Variants in LARP1 observed in about 807,000 individuals in gnomAD.
LARP1 encodes La ribonucleoprotein 1, translational regulator.
LARP1 carries 36 observed loss-of-function variants against 122.7 expected under a neutral mutation model. The ratio of observed to expected loss-of-function variants is 0.29; its 90% CI spans 0.22 to 0.39. The LOEUF is 0.39. Ranked by LOEUF, LARP1 falls within the 10% of genes least tolerant of loss-of-function variation. The pLI, the probability that LARP1 is intolerant of heterozygous loss-of-function variation, is 1.00. For synonymous variants in LARP1, 539 were observed against 528.7 expected, an observed-to-expected ratio of 1.02 and a Z score of -0.27; for missense variants, 1,040 against 1,403.6, an observed-to-expected ratio of 0.74 and a Z score of 4.14.
At position 154,685,627 on chromosome 5, in the gene LARP1, A is replaced by G. The variant is rs191520524; in HGVS notation, c.-180+2590A>G. ...AAGTTTATTTAAAGCAGCTTTGGAT[A>G]GGGGTGAACTAAACGCTGCCTCTGC... On this transcript the variant is annotated intron_variant, in intron 1 of 18. Transcript: ENST00000687700. 330 of 283,818 alleles carry G rather than the reference A, an allele frequency of 1.2e-3. 2 individuals carry two copies. Among genetic ancestry groups the G allele is most frequent in the African/African-American group, 7.2e-3 (294 of 40,612 alleles). The allele number at this position is 283,818 out of a possible 1,614,324, so 17.6% of individuals were successfully genotyped here.
At chr5:154,811,202 A>C in intron 16 of LARP1, 45 bp from the exon 17 acceptor site, 1 of 1,419,414 alleles carries the variant, frequency 7.0e-7, no homozygotes. Context: ...TTCCCGTTTT[A>C]CAGATGAAGA....
intron 1 of LARP1, among the ~76,000 whole-genome samples, chr5:154,716,718 G>A (rs2113322442): frequency 6.6e-6 from 1 of 152,206 alleles, no homozygotes; most frequent in East Asian, 1.9e-4. Flanking sequence ...CAAAGTGTTG[G>A]GATTACAGGT....
At chr5:154,684,113 G>GC (rs1753814586) in intron 1 of LARP1, among the ~76,000 whole-genome samples, 1 of 152,116 alleles carries the variant, frequency 6.6e-6, no homozygotes, top group African/African-American at 2.4e-5. Context: ...CTAGTCTAGT[G>GC]CTTCTCAGCT....
intron 1 of LARP1, among the ~76,000 whole-genome samples, chr5:154,761,175 A>G (rs1754415010): frequency 6.6e-6 from 1 of 152,214 alleles, no homozygotes; most frequent in Non-Finnish European, 1.5e-5. Context: ...GGCAGCTTTC[A>G]TCGGGAGCCT....
At chr5:154,725,066 G>A (rs921608788) in intron 1 of LARP1, among the ~76,000 whole-genome samples, 2 of 151,848 alleles carry the variant, frequency 1.3e-5, no homozygotes, top group Non-Finnish European at 2.9e-5. Flanking sequence ...GCAATATAGT[G>A]AGACCTTGTC....
At chr5:154,782,571 C>T (rs773080366) in intron 1 of LARP1, among the ~76,000 whole-genome samples, 36 of 152,292 alleles carry the variant, frequency 2.4e-4, no homozygotes, top group Non-Finnish European at 3.8e-4. Context: ...CTGGCCCACC[C>T]TTGCTCCTCC....
chr5:154,686,609 G>A (rs1249311522), intron 1 of LARP1, among the ~76,000 whole-genome samples: 7 of 152,076 alleles, frequency 4.6e-5, no homozygotes, highest in Non-Finnish European at 4.4e-5. Context: ...AGAAGTGGCC[G>A]TTCGTTTTGA....
intron 1 of LARP1, among the ~76,000 whole-genome samples, chr5:154,688,465 C>T (rs1754039643): frequency 6.6e-6 from 1 of 151,764 alleles, no homozygotes; most frequent in Admixed American, 6.6e-5. Flanking sequence ...GTCTGGCCAA[C>T]ATGGTGAAAC....
chr5:154,793,832 C>A lies in LARP1; in HGVS notation c.901C>A (p.Pro301Thr), dbSNP rs770718972. ...GTCTGCCACCTACGTGCCCGTGGCC[C>A]CCCCCACCCCAGCCTGGCAACCAGA... ...SESATYVPVA[P>T]PTPAWQPEIK... The change falls in exon 6 of 19, where the codon CCC becomes ACC. Residue 301 changes from proline (P) to threonine (T), a missense_variant. This residue lies in a region of LARP1 where 178 missense variants were observed against 178.3 expected (regional missense o/e 1.00). Transcript: ENST00000518297. 8.9e-5 allele frequency: 144 copies of A among 1,614,060 alleles called. No individual in the cohort carries two copies. Among genetic ancestry groups the A allele is most frequent in the Middle Eastern group, 4.9e-4 (3 of 6,084 alleles).
intron 1 of LARP1, among the ~76,000 whole-genome samples, chr5:154,715,174 T>G (rs1755421751): frequency 6.6e-6 from 1 of 150,676 alleles, no homozygotes; most frequent in African/African-American, 2.4e-5. Context: ...AGCGAGACTC[T>G]GTCTCAAAAA....
intron 1 of LARP1, among the ~76,000 whole-genome samples, chr5:154,775,414 A>G (rs1755788909): frequency 6.6e-6 from 1 of 151,044 alleles, no homozygotes; most frequent in Admixed American, 6.6e-5. Flanking sequence ...GATCACCTGA[A>G]CCCGGGGAGG....
intron 1 of LARP1, among the ~76,000 whole-genome samples, chr5:154,685,305 A>T (rs1429757271): frequency 1.3e-5 from 2 of 150,936 alleles, no homozygotes; most frequent in Non-Finnish European, 2.9e-5. Flanking sequence ...CAGGGTGGTC[A>T]CTGCCCAGCC....
intron 15 of LARP1, among the ~76,000 whole-genome samples, chr5:154,808,087 C>T (rs1758937660): frequency 6.6e-6 from 1 of 152,082 alleles, no homozygotes; most frequent in Non-Finnish European, 1.5e-5. Flanking sequence ...TTGTAGGACT[C>T]TTGAGGTAAA....
chr5:154,731,705 A>G (rs1183632710), intron 1 of LARP1, among the ~76,000 whole-genome samples: 1 of 152,132 alleles, frequency 6.6e-6, no homozygotes, highest in African/African-American at 2.4e-5. Context: ...TCATTCGGCA[A>G]ATCATTGGTA....
At chr5:154,769,250 G>C (rs1218010562) in intron 1 of LARP1, among the ~76,000 whole-genome samples, 1 of 152,234 alleles carries the variant, frequency 6.6e-6, no homozygotes, top group Non-Finnish European at 1.5e-5. Context: ...CATGACTGCT[G>C]TCTGATGGCA....
intron 1 of LARP1, among the ~76,000 whole-genome samples, chr5:154,693,751 G>A (rs1754334933): frequency 6.6e-6 from 1 of 151,954 alleles, no homozygotes; most frequent in Non-Finnish European, 1.5e-5. Flanking sequence ...AGCTACGCGG[G>A]AGGCTGAGGC....
intron 1 of LARP1, chr5:154,786,674 C>T (rs1756912141): frequency 3.3e-6 from 1 of 300,856 alleles, no homozygotes; most frequent in Non-Finnish European, 6.8e-6. Flanking sequence ...TGACCCATTC[C>T]TCGCCAGTAG....
At position 154,793,981 on chromosome 5, in the gene LARP1, C is replaced by T. The variant is rs138642892; in HGVS notation, c.1050C>T (p.Arg350=). The T allele has an allele frequency of 4.4e-5, 71 of 1,610,480 alleles. No homozygotes were observed. The highest frequency in any genetic ancestry group is 1.2e-4 in the Admixed American group (7 of 59,796). ...RGRGRGRGRG[R]GRGGTRTHFD... The stretch of plus-strand genomic sequence containing the variant: ...GGGGGCGTGGTCGCGGCCGGGGACG[C>T]GGCCGGGGTGGCACTCGAAGTACGT... The change falls in exon 6 of 19, where the codon CGC becomes CGT. Residue 350 remains arginine, a synonymous_variant. Coordinates refer to ENST00000518297, the MANE Select transcript of LARP1 (RefSeq NM_033551.3).
intron 16 of LARP1, 56 bp downstream of exon 16, chr5:154,808,659 C>A: frequency 6.5e-7 from 1 of 1,544,448 alleles, no homozygotes. Flanking sequence ...TGTGGGATCC[C>A]TAGTTGGTCT....
Sources: gnomAD v4.1 joint callset for allele counts (sites outside exome capture counted in the v4.1 genomes callset) on GRCh38, gnomAD v4.1.1 for gene constraint, gnomAD v4.1.1 regional missense constraint, MANE v1.5 for transcripts, NCBI Gene and HGNC (gene_info 2026-07-23, HGNC 2026-07-21) for gene names.